The following FAAH2 variants were observed in gnomAD, a reference collection of about 807,000 sequenced individuals.
FAAH2 encodes the protein fatty acid amide hydrolase 2.
Under a neutral mutation model 36.9 loss-of-function variants are expected in FAAH2, and 60 were observed. The ratio of observed to expected loss-of-function variants is 1.63; its 90% CI spans 1.32 to 2.02. FAAH2 has a LOEUF of 2.02. FAAH2 is among the 30% of genes most tolerant of loss of function. FAAH2 has a pLI of 0.00. For missense variants in FAAH2, 689 were observed against 397.5 expected, an observed-to-expected ratio of 1.73 and a Z score of -6.23; for synonymous variants, 214 against 143.8, an observed-to-expected ratio of 1.49 and a Z score of -3.49.
the FAAH2 span, among the ~76,000 whole-genome samples, chrX:57,237,187 G>C: frequency 9.0e-6 from 1 of 110,919 alleles, no homozygotes; most frequent in Non-Finnish European, 1.9e-5. Context: ...ATTAATTTTG[G>C]GTTCTCAATT....
chrX:57,258,706 T>G, the FAAH2 span, among the ~76,000 whole-genome samples: 2 of 90,391 alleles, frequency 2.2e-5, no homozygotes, highest in African/African-American at 5.2e-5. Context: ...GTTTTTTTGT[T>G]GCCTTTTTTT....
intron 7 of FAAH2, among the ~76,000 whole-genome samples, chrX:57,428,390 A>G (rs1358908657): frequency 9.2e-6 from 1 of 108,941 alleles, no homozygotes; most frequent in African/African-American, 3.3e-5. Context: ...TTAGAAAAAA[A>G]TCACCAAATT....
chrX:57,394,512 G>A lies in FAAH2; in HGVS notation c.996+13483G>A, dbSNP rs753089940. ...ATGTCACTTGGAACAGGTGTCTTGA[G>A]GTTAAGGTTGTTATACTGAATCATC... On this transcript the variant is annotated intron_variant, in intron 7 of 10. Coordinates refer to ENST00000374900, the MANE Select transcript of FAAH2 (RefSeq NM_174912.4). 144 of 1,205,880 alleles carry A rather than the reference G, an allele frequency of 1.2e-4. No individual in the cohort carries two copies. In the Middle Eastern group the frequency reaches 1.9e-3, roughly 16 times the overall value.
At chrX:57,269,355 C>T in the FAAH2 span, among the ~76,000 whole-genome samples, 1 of 111,248 alleles carries the variant, frequency 9.0e-6, no homozygotes, top group Admixed American at 9.6e-5. Flanking sequence ...GACCTGAACT[C>T]AGCACTGGAC....
chrX:57,333,091 A>G (rs1361111564), intron 4 of FAAH2, among the ~76,000 whole-genome samples: 1 of 111,840 alleles, frequency 8.9e-6, no homozygotes, highest in Non-Finnish European at 1.9e-5. Flanking sequence ...CACACACCTT[A>G]TCACTACACA....
chrX:57,176,361 C>T, the FAAH2 span, among the ~76,000 whole-genome samples: 1 of 110,315 alleles, frequency 9.1e-6, no homozygotes, highest in Admixed American at 9.7e-5. Context: ...TTGGTCTAAT[C>T]TATTGTTAAA....
chrX:57,465,071 T>C (rs1267063084), intron 10 of FAAH2, among the ~76,000 whole-genome samples: 1 of 111,287 alleles, frequency 9.0e-6, no homozygotes, highest in Non-Finnish European at 1.9e-5. Context: ...AAAAAGCAAA[T>C]AGAAATTTTG....
intron 4 of FAAH2, among the ~76,000 whole-genome samples, chrX:57,335,786 G>T (rs780167590): frequency 8.9e-6 from 1 of 112,122 alleles, no homozygotes; most frequent in South Asian, 3.7e-4. Flanking sequence ...AGAAACCTTG[G>T]ACAATACCTG....
intron 2 of FAAH2, among the ~76,000 whole-genome samples, chrX:57,293,804 T>G (rs1446528986): frequency 9.1e-6 from 1 of 110,446 alleles, no homozygotes; most frequent in African/African-American, 3.3e-5. Context: ...AAATAATGAG[T>G]TTGGGCTACT....
At chrX:57,394,034 G>C (rs971897730) in intron 7 of FAAH2, 1 of 757,803 alleles carries the variant, frequency 1.3e-6, no homozygotes, top group Non-Finnish European at 2.1e-6. Context: ...AGCCTTGTCT[G>C]TCTGGGTCAG....
At chrX:57,271,816 A>G in the FAAH2 span, among the ~76,000 whole-genome samples, 5 of 111,577 alleles carry the variant, frequency 4.5e-5, no homozygotes, top group Non-Finnish European at 9.4e-5. Context: ...CTAAAAGGAT[A>G]TAAATACCAA....
At chrX:57,205,719 G>A in the FAAH2 span, among the ~76,000 whole-genome samples, 1 of 112,227 alleles carries the variant, frequency 8.9e-6, no homozygotes, top group Non-Finnish European at 1.9e-5. Context: ...TTTAAATTTA[G>A]TTATTTTATG....
intron 7 of FAAH2, chrX:57,394,497 G>A: frequency 1.8e-5 from 22 of 1,205,885 alleles, no homozygotes; most frequent in Non-Finnish European, 2.4e-5. Flanking sequence ...ATGTCACTTG[G>A]AACAGGTGTC....
intron 5 of FAAH2, among the ~76,000 whole-genome samples, chrX:57,354,166 G>A (rs1281853465): frequency 9.0e-6 from 1 of 110,977 alleles, no homozygotes; most frequent in Non-Finnish European, 1.9e-5. Flanking sequence ...ATTCACAATA[G>A]CAGAGATATG....
chrX:57,430,539 A>G (rs2056270632), intron 7 of FAAH2, among the ~76,000 whole-genome samples: 1 of 111,518 alleles, frequency 9.0e-6, no homozygotes, highest in Non-Finnish European at 1.9e-5. Context: ...AATTTTGTTC[A>G]ATTGACCTAG....
At chrX:57,267,639 C>T in the FAAH2 span, among the ~76,000 whole-genome samples, 1 of 111,861 alleles carries the variant, frequency 8.9e-6, no homozygotes, top group Non-Finnish European at 1.9e-5. Context: ...CACCTCAGTT[C>T]CCCCAGTGCA....
chrX:57,174,246 T>A, the FAAH2 span, among the ~76,000 whole-genome samples: 6 of 110,482 alleles, frequency 5.4e-5, no homozygotes, highest in Non-Finnish European at 1.1e-4. Context: ...TTTCTTTTTT[T>A]AATTATGAAT....
chrX:57,280,452 A>T, the FAAH2 span, among the ~76,000 whole-genome samples: 1 of 111,230 alleles, frequency 9.0e-6, no homozygotes, highest in African/African-American at 3.3e-5. Flanking sequence ...ATATAAGCTT[A>T]TGAAACTGTT....
the FAAH2 span, among the ~76,000 whole-genome samples, chrX:57,270,843 C>G: frequency 8.9e-6 from 1 of 112,182 alleles, no homozygotes; most frequent in African/African-American, 3.2e-5. Flanking sequence ...ACCAGGAGAT[C>G]CCCTCTGGTG....
Sources: allele counts gnomAD v4.1 joint callset (sites outside exome capture counted in the v4.1 genomes callset), GRCh38; gene constraint gnomAD v4.1.1; transcripts MANE v1.5; gene names NCBI Gene and HGNC (gene_info 2026-07-23, HGNC 2026-07-21).